TADA3: variants seen among roughly 807,000 people sequenced by gnomAD.
TADA3 encodes transcriptional adaptor 3, also known as transcriptional adapter 3.
A neutral mutation model predicts 43.2 loss-of-function variants in TADA3; 25 were observed. The observed-to-expected ratio is 0.58, with a 90% CI of 0.42 to 0.81. The LOEUF is 0.81. Among genes scored for constraint, TADA3 ranks in the 30% least tolerant of loss-of-function variants. The pLI is 0.00. For synonymous variants in TADA3, 235 were observed against 225.5 expected, an observed-to-expected ratio of 1.04 and a Z score of -0.38; for missense variants, 441 against 567.8, an observed-to-expected ratio of 0.78 and a Z score of 2.27.
chr3:9,784,550 C>T (rs796107605), intron 7 of TADA3, among the ~76,000 whole-genome samples: 7 of 151,612 alleles, frequency 4.6e-5, no homozygotes, highest in Middle Eastern at 3.4e-3. Context: ...GGTTTTTTCC[C>T]TTATGTGCAC....
chr3:9,787,238 T>C lies in TADA3; in HGVS notation c.667A>G (p.Lys223Glu), dbSNP rs1410323129. The change falls in exon 5 of 9, where the codon AAA becomes GAA. Residue 223 changes from lysine to glutamate, a missense_variant. Transcript: ENST00000301964. ...TCGGTCAGTGGCCCCATGAGGCCTT[T>C]CTTCTTGTCAGCCACAGCCGCTGCC... ...ARAAAVADKK[K>E]GLMGPLTELD... is the part of the protein sequence containing the mutation. The C allele has an allele frequency of 6.2e-7, 1 of 1,614,226 alleles. No homozygotes were observed. Among genetic ancestry groups the C allele is most frequent in the East Asian group, 2.2e-5 (1 of 44,886 alleles).
chr3:9,791,712 C>A (rs1455452017), intron 1 of TADA3, among the ~76,000 whole-genome samples: 3 of 152,226 alleles, frequency 2.0e-5, no homozygotes, highest in Admixed American at 6.5e-5. Context: ...GCACCATGAA[C>A]AAGGACCATT....
intron 2 of TADA3, 128 bp downstream of exon 2, chr3:9,791,132 T>C (rs1021943968): frequency 5.9e-6 from 5 of 842,468 alleles, no homozygotes; most frequent in Non-Finnish European, 9.1e-6. Flanking sequence ...CAAACCCAGT[T>C]TGCGTCTCTC....
chr3:9,787,863 G>T, intron 4 of TADA3: 1 of 475,198 alleles, frequency 2.1e-6, no homozygotes, highest in Non-Finnish European at 3.7e-6. Context: ...TGAGATCAGG[G>T]CCTTGAAGGG....
chr3:9,784,180 G>A lies in TADA3; in HGVS notation c.954C>T (p.Ile318=). The change falls in exon 8 of 9, where the codon ATC becomes ATT. Residue 318 remains isoleucine (I), a synonymous_variant. Transcript: ENST00000301964. ...GGCCCTGGGCAATTAGCTCCTCCTT[G>A]ATGCGGCTCTCCAGGGACTTAGTAT... is the stretch of plus-strand genomic sequence containing the variant. ...VPHTKSLESR[I]KEELIAQGLL... 1 of 1,613,916 alleles carries A rather than the reference G, an allele frequency of 6.2e-7. No homozygotes were observed.
rs983840003 is a variant in TADA3 at position 9,792,455 on chromosome 3, G to T, written c.-267C>A. Reference sequence around the variant, plus strand: ...GGGGGCGGGGAGTTCCGGTCGATGTGAGCAACCGCCCCGGAACTGGCTATG... The same window carrying T: ...GGGGGCGGGGAGTTCCGGTCGATGTTAGCAACCGCCCCGGAACTGGCTATG... On this transcript the variant is annotated 5_prime_UTR_variant, in exon 1 of 9. Transcript: ENST00000301964. The T allele has an allele frequency of 1.7e-6, 2 of 1,166,588 alleles. No individual in the cohort carries two copies. The highest frequency in any genetic ancestry group is 2.1e-6 in the Non-Finnish European group (2 of 945,856). The allele number at this position is 1,166,588 out of a possible 1,614,324, so 72.3% of individuals were successfully genotyped here.
chr3:9,789,274 GACTTC>G (rs1265852171), intron 4 of TADA3, among the ~76,000 whole-genome samples: 1 of 152,334 alleles, frequency 6.6e-6, no homozygotes, highest in Non-Finnish European at 1.5e-5. Flanking sequence ...AACATGGGCA[GACTTC>G]ACTTAAGTAG....
upstream of TADA3, chr3:9,792,930 A>G (rs2078778408): frequency 6.4e-6 from 9 of 1,397,694 alleles, no homozygotes; most frequent in Non-Finnish European, 8.3e-6. Context: ...ATTTAAAAAT[A>G]CCGAGACAGC....
chr3:9,783,958 T>C, intron 8 of TADA3, 70 bp downstream of exon 8: 2 of 1,521,864 alleles, frequency 1.3e-6, no homozygotes, highest in East Asian at 4.8e-5. Context: ...GTAAAACCCC[T>C]GAAAGGTGAC....
intron 6 of TADA3, among the ~76,000 whole-genome samples, chr3:9,786,000 A>G (rs1181911309): frequency 6.6e-6 from 1 of 151,176 alleles, no homozygotes; most frequent in African/African-American, 2.4e-5. Flanking sequence ...GTGCAGTGGC[A>G]CAATTTCGGC....
chr3:9,787,297 T>G lies in TADA3; in HGVS notation c.608A>C (p.Glu203Ala). 6.2e-7 allele frequency: 1 copy of G among 1,614,092 alleles called. No individual in the cohort carries two copies. The highest frequency in any genetic ancestry group is 8.5e-7 in the Non-Finnish European group (1 of 1,179,994). The change falls in exon 5 of 9, where the codon GAG becomes GCG. Residue 203 changes from glutamate (E) to alanine (A), a missense_variant. By Grantham distance (107) the Glu-to-Ala change is moderately radical. Coordinates refer to ENST00000301964, the MANE Select transcript of TADA3 (RefSeq NM_006354.5). The stretch of plus-strand genomic sequence containing the variant: ...ATCCTTCTGCTCCTCCAGCAGGTCC[T>G]CCTGGGCCCAGCGCTGGGAGTAGTG... ...GKHYSQRWAQ[E>A]DLLEEQKDGA... is the part of the protein sequence containing the mutation.
In TADA3 at chr3:9,791,294, C is replaced by A; in HGVS notation, c.173G>T (p.Ser58Ile). Reference protein sequence around the residue: ...LELETLLSSASRRLRVLEAET... With the variant: ...LELETLLSSAIRRLRVLEAET... ...GGCCTCAAGCACACGCAGGCGCCGG[C>A]TGGCAGAAGACAGCAGGGTCTCCAG... The change falls in exon 2 of 9, where the codon AGC becomes ATC. Residue 58 changes from serine to isoleucine, a missense_variant. Physicochemically the swap from Ser to Ile is moderately radical, Grantham distance 142 (BLOSUM62 -2). Coordinates refer to ENST00000301964, the MANE Select transcript of TADA3 (RefSeq NM_006354.5). 1 of 1,613,608 alleles carries A rather than the reference C, an allele frequency of 6.2e-7. No individual in the cohort carries two copies. The highest frequency in any genetic ancestry group is 8.5e-7 in the Non-Finnish European group (1 of 1,180,016).
intron 2 of TADA3, 91 bp from the exon 3 acceptor site, chr3:9,790,054 C>G: frequency 2.1e-6 from 3 of 1,439,544 alleles, no homozygotes; most frequent in East Asian, 2.4e-5. Context: ...CTAGAATCTA[C>G]AGAGGCTCCT....
At chr3:9,792,887 T>A, upstream of TADA3, 6 of 1,386,690 alleles carry the variant, frequency 4.3e-6, no homozygotes, top group Non-Finnish European at 5.6e-6. Context: ...CACCCATTCC[T>A]GGAGGAGCTT....
At position 9,789,733 on chromosome 3, in the gene TADA3, G is replaced by T. The variant is rs773940464; in HGVS notation, c.438C>A (p.Pro146=). The T allele has an allele frequency of 6.2e-7, 1 of 1,613,238 alleles. No homozygotes were observed. The highest frequency in any genetic ancestry group is 8.5e-7 in the Non-Finnish European group (1 of 1,179,392). The part of the protein sequence containing the change: ...TDDPIDVPRI[P]KNDAPNRFWA... Reference sequence around the variant, plus strand: ...AGAACCTGTTGGGGGCATCATTTTTGGGGATCCGTGGCACGTCGATAGGGT... The same window carrying T: ...AGAACCTGTTGGGGGCATCATTTTTTGGGATCCGTGGCACGTCGATAGGGT... Residue 146 remains proline (P), a synonymous_variant, in exon 3 of 9, where the codon CCC becomes CCA. Transcript: ENST00000301964.
rs150231426 is a variant in TADA3, at chr3:9,784,152, A to G, written c.982T>C (p.Leu328=). 96 of 1,614,036 alleles carry G rather than the reference A, an allele frequency of 5.9e-5. No individual in the cohort carries two copies. Among genetic ancestry groups the G allele is most frequent in the Non-Finnish European group, 8.1e-5 (95 of 1,179,990 alleles). The change falls in exon 8 of 9, where the codon TTG becomes CTG. Residue 328 remains leucine, a synonymous_variant. Transcript: ENST00000301964. ...TCTGCGGGGCGGTCCTCAGACTCCA[A>G]AAGGCCCTGGGCAATTAGCTCCTCC... is the stretch of plus-strand genomic sequence containing the variant. ...IKEELIAQGL[L]ESEDRPAEDS...
At position 9,789,977 on chromosome 3, in the gene TADA3, A is replaced by G. The variant is rs749816706; in HGVS notation, c.208-14T>C. The G allele has an allele frequency of 1.9e-6, 3 of 1,576,234 alleles. No homozygotes were observed. The Admixed American group carries it at 5.7e-5, about 30-fold the overall frequency. The stretch of plus-strand genomic sequence containing the variant: ...GTCGGTGAGGATCTGAAATTTACAG[A>G]AAGTGTCACTGAGGGGGAGAAGGGA... On this transcript the variant is annotated splice_polypyrimidine_tract_variant and intron_variant, in intron 2 of 8. Coordinates refer to ENST00000301964, the MANE Select transcript of TADA3 (RefSeq NM_006354.5).
In TADA3 at chr3:9,787,259, C is replaced by A; in HGVS notation, c.646G>T (p.Ala216Ser). ...LEEQKDGARAAAVADKKKGLM... is the reference protein window; with the variant it reads ...LEEQKDGARASAVADKKKGLM... ...CCTTTCTTCTTGTCAGCCACAGCCG[C>A]TGCCCGGGCCCCATCCTTCTGCTCC... Residue 216 changes from alanine (A) to serine (S), a missense_variant, in exon 5 of 9, where the codon GCG (alanine) becomes TCG (serine). Physicochemically the swap from Ala to Ser is moderately conservative, Grantham distance 99. Transcript: ENST00000301964. 1 of 1,614,238 alleles carries A rather than the reference C, an allele frequency of 6.2e-7. No individual in the cohort carries two copies. Among genetic ancestry groups the A allele is most frequent in the Non-Finnish European group, 8.5e-7 (1 of 1,180,042 alleles).
chr3:9,788,420 T>A (rs565472430), intron 4 of TADA3, among the ~76,000 whole-genome samples: 48 of 152,044 alleles, frequency 3.2e-4, no homozygotes, highest in Non-Finnish European at 5.9e-4. Context: ...TAATTTTTTC[T>A]ATTTTTAGTA....
Sources: gnomAD v4.1 joint callset for allele counts (sites outside exome capture counted in the v4.1 genomes callset) on GRCh38, gnomAD v4.1.1 for gene constraint, MANE v1.5 for transcripts, NCBI Gene and HGNC (gene_info 2026-07-23, HGNC 2026-07-21) for gene names.